GRIK2: variants seen among roughly 807,000 people sequenced by gnomAD.
The protein encoded by GRIK2 is glutamate ionotropic receptor kainate type subunit 2, also known as glutamate receptor ionotropic, kainate 2.
Under a neutral mutation model 100.3 loss-of-function variants are expected in GRIK2, and 32 were observed. The observed-to-expected ratio is 0.32, with a 90% CI of 0.24 to 0.43. The LOEUF (loss-of-function observed/expected upper bound fraction) is 0.43, where lower values mean the gene tolerates loss of function less well. Ranked by LOEUF, GRIK2 falls within the 20% of genes least tolerant of loss-of-function variation. GRIK2 has a pLI of 1.00. For missense variants in GRIK2, 843 were observed against 1,114.9 expected (o/e 0.76, Z 3.47); for synonymous variants, 417 against 389.4 (o/e 1.07, Z -0.83).
chr6:101,836,661 A>ATATATT (rs1246261796), intron 10 of GRIK2, among the ~76,000 whole-genome samples: 2 of 57,808 alleles, frequency 3.5e-5, no homozygotes, highest in African/African-American at 1.6e-4. Flanking sequence ...ATATATATAT[A>ATATATT]TTTTTTTTTT....
intron 10 of GRIK2, among the ~76,000 whole-genome samples, chr6:101,823,268 G>A (rs1234480606): frequency 6.6e-6 from 1 of 152,084 alleles, no homozygotes; most frequent in African/African-American, 2.4e-5. Flanking sequence ...TTAATAACAT[G>A]ACCTAGACCC....
At chr6:101,480,270 A>T (rs1383273350) in intron 2 of GRIK2, among the ~76,000 whole-genome samples, 1 of 152,152 alleles carries the variant, frequency 6.6e-6, no homozygotes, top group Non-Finnish European at 1.5e-5. Flanking sequence ...TTTCCTGATG[A>T]TGGTAGGAGA....
chr6:101,458,995 T>A (rs1265547180), intron 2 of GRIK2, among the ~76,000 whole-genome samples: 3 of 152,178 alleles, frequency 2.0e-5, no homozygotes, highest in East Asian at 3.9e-4. Flanking sequence ...AAAAATTTGA[T>A]GCATCCAAAT....
intron 2 of GRIK2, among the ~76,000 whole-genome samples, chr6:101,584,149 A>G (rs1468109960): frequency 1.3e-5 from 2 of 152,220 alleles, no homozygotes; most frequent in East Asian, 3.9e-4. Flanking sequence ...ATTTGTATTT[A>G]TAAGATAGAG....
At position 101,591,359 on chromosome 6, in the gene GRIK2, A is replaced by T. The variant is rs1369353307; in HGVS notation, c.116-30590A>T. On this transcript the variant is annotated intron_variant, in intron 2 of 16. Coordinates refer to ENST00000369134, the MANE Select transcript of GRIK2 (RefSeq NM_021956.5). Reference sequence around the variant, plus strand: ...TCAGGTCATGATTCTTTCCAAGCTTATCTACCCTCCCCACATGCAGATTAT... The same window carrying T: ...TCAGGTCATGATTCTTTCCAAGCTTTTCTACCCTCCCCACATGCAGATTAT... Among the ~76,000 whole-genome samples the T allele has an allele frequency of 2.0e-5, 3 of 151,490 alleles. No individual in the cohort carries two copies. The Admixed American group carries it at 2.0e-4, about 10-fold the overall frequency.
intron 14 of GRIK2, among the ~76,000 whole-genome samples, chr6:101,999,296 GA>G (rs1233505995): frequency 6.6e-6 from 1 of 151,978 alleles, no homozygotes; most frequent in Non-Finnish European, 1.5e-5. Context: ...AATTTCATTG[GA>G]ATGTCATTGA....
At chr6:102,053,567 A>G (rs1771314809) in intron 15 of GRIK2, among the ~76,000 whole-genome samples, 1 of 152,220 alleles carries the variant, frequency 6.6e-6, no homozygotes, top group African/African-American at 2.4e-5. Context: ...ATGTTTCATT[A>G]GTGTTCTTTA....
rs71797313 is a variant in GRIK2, at chr6:101,565,915, T to TTATATATATATA, written c.116-56028_116-56017dup. Among the ~76,000 whole-genome samples, 162 of 123,212 alleles carry TTATATATATATA rather than the reference T, an allele frequency of 1.3e-3. 4 individuals carry two copies. The highest frequency in any genetic ancestry group is 3.6e-3 in the African/African-American group (102 of 28,610). The allele number at this position is 123,212 out of a possible 152,430, so 80.8% of individuals were successfully genotyped here. Reference sequence around the variant, plus strand: ...CAATCTTTATCTTTATATACCTATTTTATATATATATATATATGTGTATAT... The same window carrying TTATATATATATA: ...CAATCTTTATCTTTATATACCTATTTTATATATATATATATATATATATATATATGTGTATAT... On this transcript the variant is annotated intron_variant, in intron 2 of 16. Transcript: ENST00000369134.
chr6:101,897,647 C>T (rs777438621), intron 12 of GRIK2, among the ~76,000 whole-genome samples: 4 of 151,738 alleles, frequency 2.6e-5, no homozygotes, highest in Admixed American at 6.6e-5. Flanking sequence ...TAAAGACAGG[C>T]GACATCTTTT....
intron 14 of GRIK2, among the ~76,000 whole-genome samples, chr6:101,963,509 C>CTTTCTTT (rs1554183894): frequency 2.8e-5 from 3 of 106,096 alleles, no homozygotes; most frequent in East Asian, 2.7e-4. Flanking sequence ...TTCTTTCTTT[C>CTTTCTTT]TTTTTTTTTT....
chr6:101,443,796 A>G (rs2128246957), intron 2 of GRIK2, among the ~76,000 whole-genome samples: 1 of 152,128 alleles, frequency 6.6e-6, no homozygotes, highest in South Asian at 2.1e-4. Context: ...TTTGCCCTAT[A>G]TCTAATGTAA....
intron 7 of GRIK2, among the ~76,000 whole-genome samples, chr6:101,728,955 A>G (rs117214246): frequency 0.015 from 2,321 of 150,130 alleles, 25 homozygotes; most frequent in South Asian, 0.022. Flanking sequence ...TAGTTGTATT[A>G]AAAGCAATTT....
At chr6:101,746,934 T>C (rs1776455073) in intron 7 of GRIK2, among the ~76,000 whole-genome samples, 1 of 152,220 alleles carries the variant, frequency 6.6e-6, no homozygotes, top group South Asian at 2.1e-4. Flanking sequence ...AATTCCCTAA[T>C]GTTTTTCTAT....
chr6:101,807,548 G>A (rs988532641), intron 9 of GRIK2, among the ~76,000 whole-genome samples: 3 of 151,938 alleles, frequency 2.0e-5, no homozygotes, highest in African/African-American at 7.3e-5. Flanking sequence ...AAGGCAAGCA[G>A]GGGAGTGGAA....
chr6:101,832,695 G>C (rs375762883), intron 10 of GRIK2, among the ~76,000 whole-genome samples: 1 of 152,196 alleles, frequency 6.6e-6, no homozygotes, highest in Non-Finnish European at 1.5e-5. Context: ...CCTGCATTAA[G>C]AGCCTGTTTT....
intron 13 of GRIK2, 22 bp from the exon 14 acceptor site, chr6:101,928,393 C>G: frequency 8.0e-7 from 1 of 1,242,746 alleles, no homozygotes; most frequent in Non-Finnish European, 1.2e-6. Context: ...ATTCGTTTCA[C>G]CTTTCCCCCA....
intron 2 of GRIK2, among the ~76,000 whole-genome samples, chr6:101,579,445 T>C (rs1052338784): frequency 3.3e-5 from 5 of 152,064 alleles, no homozygotes; most frequent in Admixed American, 6.6e-5. Flanking sequence ...TATTTCTTTT[T>C]TTTCTTTCTT....
intron 10 of GRIK2, among the ~76,000 whole-genome samples, chr6:101,833,939 T>C (rs1035659300): frequency 6.6e-6 from 1 of 152,134 alleles, no homozygotes; most frequent in Non-Finnish European, 1.5e-5. Context: ...CTAAAGCAGT[T>C]TTTGGATTAT....
intron 14 of GRIK2, among the ~76,000 whole-genome samples, chr6:102,025,936 G>A (rs144593339): frequency 1.3e-5 from 2 of 150,776 alleles, no homozygotes; most frequent in East Asian, 2.0e-4. Flanking sequence ...CACCTGAAAA[G>A]GCCTGGCGTT....
Sources: allele counts gnomAD v4.1 joint callset (sites outside exome capture counted in the v4.1 genomes callset), GRCh38; gene constraint gnomAD v4.1.1; transcripts MANE v1.5; gene names NCBI Gene and HGNC (gene_info 2026-07-23, HGNC 2026-07-21).